TG: variants seen among roughly 807,000 people sequenced by gnomAD.
TG encodes thyroid hormones.
A neutral mutation model predicts 324.7 loss-of-function variants in TG; 270 were observed. That is an observed-to-expected ratio of 0.83 (90% confidence interval 0.75 to 0.92). TG has a LOEUF of 0.92. Among genes scored for constraint, TG ranks in the 40% least tolerant of loss-of-function variants. The pLI, the probability that TG is intolerant of heterozygous loss-of-function variation, is 0.00. For synonymous variants in TG, 1,401 were observed against 1,327.0 expected (o/e 1.06, Z -1.21); for missense variants, 3,591 against 3,456.4 (o/e 1.04, Z -0.98).
chr8:133,049,522 AG>A (rs775573201), intron 41 of TG: 13 of 291,708 alleles, frequency 4.5e-5, no homozygotes, highest in Admixed American at 1.3e-4. Context: ...ATGCATAAAA[AG>A]CTTGTTCACT....
chr8:133,038,095 C>G (rs745658531), intron 41 of TG: 1 of 175,002 alleles, frequency 5.7e-6, no homozygotes, highest in Non-Finnish European at 1.2e-5. Context: ...TGCCAGGACA[C>G]AGCTTTTGTT....
chr8:133,033,050 G>C (rs569481904), intron 41 of TG, among the ~76,000 whole-genome samples: 2 of 152,230 alleles, frequency 1.3e-5, no homozygotes, highest in Non-Finnish European at 2.9e-5. Flanking sequence ...CAGGAATTTG[G>C]GACTCTCTTG....
At chr8:133,070,004 A>G in intron 41 of TG, among the ~76,000 whole-genome samples, 1 of 74,328 alleles carries the variant, frequency 1.3e-5, no homozygotes, top group Non-Finnish European at 3.5e-5. Context: ...CCAGCTCCAA[A>G]AAAAAAAAAA....
chr8:132,866,965 G>A lies in TG; in HGVS notation c.-36G>A. On this transcript the variant is annotated 5_prime_UTR_variant, in exon 1 of 48. Transcript: ENST00000220616. The stretch of plus-strand genomic sequence containing the variant: ...GGCCAGGGGACCTAGGGCAAGCAGT[G>A]GTTTCTCCTCCTTCCTCCCAGGAAG... 1 of 1,545,080 alleles carries A rather than the reference G, an allele frequency of 6.5e-7. No homozygotes were observed. Among genetic ancestry groups the A allele is most frequent in the Non-Finnish European group, 8.8e-7 (1 of 1,135,336 alleles).
At position 132,883,018 on chromosome 8, in the gene TG, C is replaced by T. The variant is rs1814881754; in HGVS notation, c.1075+19C>T. On this transcript the variant is annotated intron_variant, in intron 8 of 47. Coordinates refer to ENST00000220616, the MANE Select transcript of TG (RefSeq NM_003235.5). ...TCTTGTGGTGGGTTTCCTCTGGGGGCTTCCTCTTTCGGCCTCGGATCATAT... is the reference window on the plus strand; with the variant it reads ...TCTTGTGGTGGGTTTCCTCTGGGGGTTTCCTCTTTCGGCCTCGGATCATAT... The T allele has an allele frequency of 1.2e-6, 2 of 1,611,790 alleles. No individual in the cohort carries two copies. Among genetic ancestry groups the T allele is most frequent in the Non-Finnish European group, 1.7e-6 (2 of 1,179,264 alleles).
chr8:133,006,668 A>G (rs761172612), intron 35 of TG, among the ~76,000 whole-genome samples: 2 of 152,266 alleles, frequency 1.3e-5, no homozygotes, highest in Non-Finnish European at 2.9e-5. Context: ...TATCCTTGCT[A>G]GACCGGAATA....
chr8:132,885,273 GC>G (rs1167285737), intron 8 of TG, among the ~76,000 whole-genome samples: 1 of 152,086 alleles, frequency 6.6e-6, no homozygotes, highest in Non-Finnish European at 1.5e-5. Context: ...GCTACAGTCA[GC>G]CTAGGATGTT....
chr8:133,109,785 C>T (rs1015447382), intron 43 of TG, among the ~76,000 whole-genome samples: 4 of 152,130 alleles, frequency 2.6e-5, no homozygotes, highest in African/African-American at 7.2e-5. Flanking sequence ...CTCCCTTTGC[C>T]GACATGACTC....
intron 32 of TG, 62 bp from the exon 33 acceptor site, chr8:132,971,732 C>T: frequency 8.4e-7 from 1 of 1,188,484 alleles, no homozygotes; most frequent in African/African-American, 1.5e-5. Context: ...CATCAGCCCA[C>T]CCAGTAGGTC....
Position 133,017,870 on chromosome 8 carries a change from G to T in TG, c.6655G>T (p.Gly2219Cys). The T allele has an allele frequency of 6.2e-7, 1 of 1,614,160 alleles. No individual in the cohort carries two copies. The highest frequency in any genetic ancestry group is 8.5e-7 in the Non-Finnish European group (1 of 1,180,018). ...GGGCAGGTCCCAGGCCATCCAGGTG[G>T]GTACCTCATGGAAGCAAGTGGACCA... ...LLGRSQAIQV[G>C]TSWKQVDQFL... The change falls in exon 38 of 48, where the codon GGT (glycine) becomes TGT (cysteine). Residue 2219 changes from glycine (G) to cysteine (C), a missense_variant. Coordinates refer to ENST00000220616, the MANE Select transcript of TG (RefSeq NM_003235.5).
chr8:133,055,349 A>ACG (rs1841187019), intron 41 of TG, among the ~76,000 whole-genome samples: 9 of 80,538 alleles, frequency 1.1e-4, no homozygotes, highest in Non-Finnish European at 1.7e-4. Context: ...TCTTCAGGAC[A>ACG]CACACACGCA....
At chr8:132,933,421 T>C (rs1823077419) in intron 23 of TG, 140 bp from the exon 24 acceptor site, 2 of 692,982 alleles carry the variant, frequency 2.9e-6, no homozygotes, top group Admixed American at 2.1e-5. Context: ...TGTGTATTTG[T>C]GTATCTGCAT....
intron 8 of TG, among the ~76,000 whole-genome samples, chr8:132,885,661 T>C (rs958655960): frequency 6.6e-6 from 1 of 151,998 alleles, no homozygotes; most frequent in East Asian, 1.9e-4. Flanking sequence ...TAAATACGCA[T>C]AGGAATGTGT....
chr8:132,984,300 G>T (rs1320729645), intron 35 of TG, among the ~76,000 whole-genome samples: 3 of 152,228 alleles, frequency 2.0e-5, no homozygotes, highest in Non-Finnish European at 4.4e-5. Context: ...GTGGCTAAAA[G>T]TATAAAAATG....
chr8:133,029,739 T>A, intron 40 of TG, 82 bp from the exon 41 acceptor site: 1 of 1,568,444 alleles, frequency 6.4e-7, no homozygotes, highest in Non-Finnish European at 8.8e-7. Flanking sequence ...GCCGCATATA[T>A]GCCTGCCATA....
At chr8:133,115,524 G>A (rs530684359) in intron 44 of TG, among the ~76,000 whole-genome samples, 84 of 152,264 alleles carry the variant, frequency 5.5e-4, no homozygotes, top group Non-Finnish European at 9.4e-4. Context: ...CTCACCAAAG[G>A]CTTTTATCCC....
intron 41 of TG, among the ~76,000 whole-genome samples, chr8:133,079,092 A>G (rs1845350933): frequency 6.6e-6 from 1 of 152,198 alleles, no homozygotes; most frequent in South Asian, 2.1e-4. Flanking sequence ...GAGTCAGCAC[A>G]AGAAGCAAAG....
At chr8:132,977,543 C>G (rs141284151) in intron 34 of TG, among the ~76,000 whole-genome samples, 23 of 152,148 alleles carry the variant, frequency 1.5e-4, no homozygotes, top group African/African-American at 5.3e-4. Context: ...ACTGGACTTA[C>G]GGTTCCACAT....
At position 132,966,665 on chromosome 8, in the gene TG, C is replaced by T. The variant is rs757483872; in HGVS notation, c.5654C>T (p.Ser1885Leu). The T allele has an allele frequency of 2.5e-6, 4 of 1,614,142 alleles. No individual in the cohort carries two copies. The East Asian group carries it at 8.9e-5, about 36-fold the overall frequency. The change falls in exon 30 of 48, where the codon TCA becomes TTA. Residue 1885 changes from serine to leucine, a missense_variant. Coordinates refer to ENST00000220616, the MANE Select transcript of TG (RefSeq NM_003235.5). The part of the protein sequence containing the change: ...QKHWLFKHLF[S>L]AQQANLWCLS... ...CACTGGCTTTTCAAGCACCTGTTTT[C>T]AGCCCAGCAGGCAAACCTATGGTGC...
Sources: gnomAD v4.1 joint callset for allele counts (sites outside exome capture counted in the v4.1 genomes callset) on GRCh38, gnomAD v4.1.1 for gene constraint, MANE v1.5 for transcripts, NCBI Gene and HGNC (gene_info 2026-07-23, HGNC 2026-07-21) for gene names.